The following XKR6 variants were observed in gnomAD, a reference collection of about 807,000 sequenced individuals.
XKR6 encodes the protein XK related 6.
A neutral mutation model predicts 56.7 loss-of-function variants in XKR6; 22 were observed. The observed-to-expected ratio is 0.39, with a 90% CI of 0.28 to 0.55. The LOEUF is 0.55. Among genes scored for constraint, XKR6 ranks in the 20% least tolerant of loss-of-function variants. The pLI is 0.66. For missense variants in XKR6, 852 were observed against 889.0 expected, an observed-to-expected ratio of 0.96 and a Z score of 0.53; for synonymous variants, 524 against 387.8, an observed-to-expected ratio of 1.35 and a Z score of -4.13.
At chr8:11,189,035 G>A (rs1271575590) in intron 1 of XKR6, among the ~76,000 whole-genome samples, 1 of 152,032 alleles carries the variant, frequency 6.6e-6, no homozygotes. Context: ...TTCTCCCCAC[G>A]AATCTATCAA....
intron 1 of XKR6, among the ~76,000 whole-genome samples, chr8:10,962,572 T>C (rs748287078): frequency 3.2e-4 from 48 of 152,358 alleles, no homozygotes; most frequent in Non-Finnish European, 4.7e-4. Context: ...TCAATGTTGC[T>C]TATCTTCTCT....
intron 1 of XKR6, chr8:11,194,940 T>A (rs1046615979): frequency 3.7e-6 from 2 of 544,928 alleles, no homozygotes; most frequent in African/African-American, 1.9e-5. Flanking sequence ...AAGCATGCCA[T>A]TTTTTCATCC....
At chr8:11,195,283 C>T (rs1264364220) in intron 1 of XKR6, 5 of 643,548 alleles carry the variant, frequency 7.8e-6, no homozygotes, top group South Asian at 5.2e-5. Context: ...TATGTTTACA[C>T]CTTTCATTCT....
intron 1 of XKR6, among the ~76,000 whole-genome samples, chr8:11,191,142 C>T (rs960382230): frequency 1.3e-5 from 2 of 152,214 alleles, no homozygotes; most frequent in Non-Finnish European, 2.9e-5. Flanking sequence ...TAACTGTTTA[C>T]TGGCAACCCA....
intron 1 of XKR6, among the ~76,000 whole-genome samples, chr8:11,116,019 A>G (rs1799154832): frequency 6.6e-6 from 1 of 152,240 alleles, no homozygotes; most frequent in South Asian, 2.1e-4. Context: ...GAAGACAAGA[A>G]CTATTGGGAG....
rs558232245 is a variant in XKR6 at position 10,899,222 on chromosome 8, C to T, written c.962-306G>A. Among the ~76,000 whole-genome samples the T allele has an allele frequency of 2.6e-5, 4 of 152,330 alleles. No homozygotes were observed. The South Asian group carries it at 8.3e-4, about 32-fold the overall frequency. ...GGGGCCACGTCTGCCATGGGCAGCCCTTTGTGGGTTCCGCCTTAAGGAATC... is the reference window on the plus strand; with the variant it reads ...GGGGCCACGTCTGCCATGGGCAGCCTTTTGTGGGTTCCGCCTTAAGGAATC... On this transcript the variant is annotated intron_variant, in intron 2 of 2. Coordinates refer to ENST00000416569, the MANE Select transcript of XKR6 (RefSeq NM_173683.4).
rs559701166 is a variant in XKR6, at chr8:11,077,646, G to C, written c.764+122930C>G. 7.2e-5 allele frequency among the ~76,000 whole-genome samples: 11 copies of C among 152,308 alleles called. No homozygotes were observed. The South Asian group carries it at 2.3e-3, about 32-fold the overall frequency. On this transcript the variant is annotated intron_variant, in intron 1 of 2. Transcript: ENST00000416569. Reference sequence around the variant, plus strand: ...GGTCTTTGGCTGAAGCTGCTGAACAGCTGAGGAAGGAGCCTGTGGCTGTTT... The same window carrying C: ...GGTCTTTGGCTGAAGCTGCTGAACACCTGAGGAAGGAGCCTGTGGCTGTTT...
chr8:11,050,428 C>T (rs964152431), intron 1 of XKR6, among the ~76,000 whole-genome samples: 6 of 151,862 alleles, frequency 4.0e-5, no homozygotes, highest in Non-Finnish European at 7.4e-5. Context: ...CTTCCAGCTC[C>T]GACAGTCTAC....
At chr8:11,160,561 G>A (rs1261476082) in intron 1 of XKR6, among the ~76,000 whole-genome samples, 1 of 152,178 alleles carries the variant, frequency 6.6e-6, no homozygotes, top group Non-Finnish European at 1.5e-5. Context: ...GATAAAGCGA[G>A]GAAAGGCAGA....
At chr8:11,026,363 C>T (rs553907769) in intron 1 of XKR6, among the ~76,000 whole-genome samples, 5 of 151,418 alleles carry the variant, frequency 3.3e-5, no homozygotes, top group Middle Eastern at 7.1e-3. Context: ...CTACTACACA[C>T]CTAAATGGTC....
Position 11,201,115 on chromosome 8 carries a change from G to C in XKR6, c.225C>G (p.Arg75=). 1.3e-6 allele frequency: 2 copies of C among 1,509,186 alleles called. No individual in the cohort carries two copies. The highest frequency in any genetic ancestry group is 1.8e-6 in the Non-Finnish European group (2 of 1,136,116). 93.5% of individuals were successfully genotyped at this position (1,509,186 alleles called of 1,614,324 possible). ...CYWGCRSACL[R]SLLGRKPRRS... is the part of the protein sequence containing the mutation. ...GGCGCGGCTTCCTGCCCAGGAGGGAGCGCAGGCAGGCGGAGCGGCAGCCCC... is the reference window on the plus strand; with the variant it reads ...GGCGCGGCTTCCTGCCCAGGAGGGACCGCAGGCAGGCGGAGCGGCAGCCCC... The change falls in exon 1 of 3, where the codon CGC becomes CGG. Residue 75 remains arginine (R), a synonymous_variant. Coordinates refer to ENST00000416569, the MANE Select transcript of XKR6 (RefSeq NM_173683.4).
intron 1 of XKR6, chr8:11,105,148 G>C (rs897385467): frequency 1.3e-5 from 2 of 152,174 alleles, no homozygotes; most frequent in African/African-American, 4.8e-5. Context: ...AGGCAGAACT[G>C]AGACTGAATA....
intron 1 of XKR6, among the ~76,000 whole-genome samples, chr8:11,046,776 G>C (rs759632934): frequency 6.6e-6 from 1 of 152,162 alleles, no homozygotes; most frequent in Non-Finnish European, 1.5e-5. Context: ...TAAAGATATA[G>C]ATACATAGAT....
intron 1 of XKR6, among the ~76,000 whole-genome samples, chr8:10,973,828 A>G (rs530735963): frequency 3.3e-5 from 5 of 152,126 alleles, no homozygotes; most frequent in African/African-American, 9.6e-5. Context: ...CAAGCAATCC[A>G]CCCACTTCAC....
chr8:11,111,239 C>A (rs1222165606), intron 1 of XKR6, among the ~76,000 whole-genome samples: 1 of 152,018 alleles, frequency 6.6e-6, no homozygotes, highest in Admixed American at 6.6e-5. Flanking sequence ...CACTGTCTAC[C>A]CTTTTGGCTA....
intron 1 of XKR6, among the ~76,000 whole-genome samples, chr8:11,107,510 C>T (rs923199002): frequency 6.6e-6 from 1 of 152,144 alleles, no homozygotes; most frequent in Non-Finnish European, 1.5e-5. Flanking sequence ...CTCCTTTGTG[C>T]TCGACGTTAT....
At position 11,171,812 on chromosome 8, in the gene XKR6, G is replaced by A. The variant is rs539314176; in HGVS notation, c.764+28764C>T. Among the ~76,000 whole-genome samples the A allele has an allele frequency of 3.0e-3, 460 of 152,134 alleles. 2 individuals are homozygous for A. The highest frequency in any genetic ancestry group is 0.011 in the African/African-American group (444 of 41,490). Reference sequence around the variant, plus strand: ...TCACGCCTGTAATCCCAGCACTTTGGGAGGCTGAGGTGGGCTGACCATGTG... The same window carrying A: ...TCACGCCTGTAATCCCAGCACTTTGAGAGGCTGAGGTGGGCTGACCATGTG... On this transcript the variant is annotated intron_variant, in intron 1 of 2. Transcript: ENST00000416569.
intron 2 of XKR6, among the ~76,000 whole-genome samples, chr8:10,908,076 GC>G (rs1025360437): frequency 6.6e-6 from 1 of 152,186 alleles, no homozygotes; most frequent in Non-Finnish European, 1.5e-5. Flanking sequence ...GGATGTACAC[GC>G]CCACGCTGCT....
chr8:10,968,650 C>T (rs1419864951), intron 1 of XKR6, among the ~76,000 whole-genome samples: 1 of 152,230 alleles, frequency 6.6e-6, no homozygotes, highest in Non-Finnish European at 1.5e-5. Flanking sequence ...GTTGTCAGCT[C>T]AGGAGCATTC....
Sources: gnomAD v4.1 joint callset for allele counts (sites outside exome capture counted in the v4.1 genomes callset) on GRCh38, gnomAD v4.1.1 for gene constraint, MANE v1.5 for transcripts, NCBI Gene and HGNC (gene_info 2026-07-23, HGNC 2026-07-21) for gene names.